Variants in RNF169 observed in about 807,000 individuals in gnomAD.
The protein encoded by RNF169 is ring finger protein 169, also known as E3 ubiquitin-protein ligase RNF169.
In RNF169, 24 loss-of-function variants were observed where a neutral mutation model predicts 53.9. The observed-to-expected ratio is 0.45, with a 90% CI of 0.32 to 0.63. The LOEUF (loss-of-function observed/expected upper bound fraction) is 0.63. Ranked by LOEUF, RNF169 falls within the 20% of genes least tolerant of loss-of-function variation. RNF169 has a pLI of 0.04. For missense variants in RNF169, 883 were observed against 906.2 expected (o/e 0.97, Z 0.33); for synonymous variants, 396 against 363.5 (o/e 1.09, Z -1.02).
chr11:74,781,788 T>G (rs866769107), intron 1 of RNF169, among the ~76,000 whole-genome samples: 6 of 152,188 alleles, frequency 3.9e-5, no homozygotes, highest in Admixed American at 1.3e-4. Flanking sequence ...TGGATCTAGA[T>G]TGCTTGTGTT....
At chr11:74,789,431 G>A (rs1210816770) in intron 1 of RNF169, among the ~76,000 whole-genome samples, 195 bp from the exon 2 acceptor site, 1 of 151,996 alleles carries the variant, frequency 6.6e-6, no homozygotes, top group Non-Finnish European at 1.5e-5. Context: ...ATACATTGAG[G>A]GTATAAAGAA....
At chr11:74,796,159 G>T (rs1437246395) in intron 2 of RNF169, among the ~76,000 whole-genome samples, 1 of 152,014 alleles carries the variant, frequency 6.6e-6, no homozygotes, top group African/African-American at 2.4e-5. Context: ...TATCTTTTGG[G>T]TATTTGTGAT....
intron 2 of RNF169, among the ~76,000 whole-genome samples, chr11:74,797,727 C>A (rs1276274773): frequency 6.6e-6 from 1 of 152,126 alleles, no homozygotes; most frequent in Non-Finnish European, 1.5e-5. Context: ...TGGCTCACAT[C>A]CCAGCACTTT....
chr11:74,792,095 G>A (rs1405061776), intron 2 of RNF169, among the ~76,000 whole-genome samples: 1 of 152,264 alleles, frequency 6.6e-6, no homozygotes, highest in Non-Finnish European at 1.5e-5. Flanking sequence ...GCTTGTAAAT[G>A]AGGGTGTCAG....
rs574799751 is a variant in RNF169, at chr11:74,769,035, GAAACA to G, written c.502+19666_502+19670del. Among the ~76,000 whole-genome samples, 1,511 of 152,086 alleles carry G rather than the reference GAAACA, an allele frequency of 9.9e-3. 12 individuals carry two copies. The highest frequency in any genetic ancestry group is 0.024 in the Middle Eastern group (7 of 294). On this transcript the variant is annotated intron_variant, in intron 1 of 5. Coordinates refer to ENST00000299563, the MANE Select transcript of RNF169 (RefSeq NM_001098638.2). ...ACAGAAGCGAGACCCTGCCTCAAAA[GAAACA>G]AAACAAAACAAACACACCAGAAACA...
At chr11:74,825,265 C>T (rs1160522216) in intron 4 of RNF169, among the ~76,000 whole-genome samples, 1 of 151,866 alleles carries the variant, frequency 6.6e-6, no homozygotes. Flanking sequence ...TTTTTGACCA[C>T]AATGGAATGA....
chr11:74,801,691 A>G (rs1285073524), intron 2 of RNF169, among the ~76,000 whole-genome samples: 2 of 152,254 alleles, frequency 1.3e-5, no homozygotes, highest in Non-Finnish European at 2.9e-5. Context: ...GCACACCTAT[A>G]ATCCCGGCTA....
chr11:74,822,386 G>A (rs2036025804), intron 4 of RNF169, among the ~76,000 whole-genome samples: 1 of 152,136 alleles, frequency 6.6e-6, no homozygotes, highest in African/African-American at 2.4e-5. Flanking sequence ...GTGGGTGCGG[G>A]TATTTTTAGC....
intron 1 of RNF169, among the ~76,000 whole-genome samples, chr11:74,752,763 C>T (rs185565064): frequency 4.6e-5 from 7 of 151,980 alleles, no homozygotes; most frequent in Admixed American, 1.3e-4. Context: ...TCATCAAAGT[C>T]CACAGCAGTA....
At chr11:74,834,526 GTTAATAAA>G in intron 4 of RNF169, 142 bp from the exon 5 acceptor site, 1 of 538,978 alleles carries the variant, frequency 1.9e-6, no homozygotes, top group Non-Finnish European at 3.3e-6. Flanking sequence ...AATGTATTTT[GTTAATAAA>G]TTAACTCATT....
intron 1 of RNF169, among the ~76,000 whole-genome samples, chr11:74,773,138 C>T (rs1286058342): frequency 2.0e-5 from 3 of 152,042 alleles, no homozygotes; most frequent in Non-Finnish European, 2.9e-5. Flanking sequence ...CCTGAAATGC[C>T]GAGACCTGGG....
intron 4 of RNF169, among the ~76,000 whole-genome samples, chr11:74,820,605 T>A (rs1448032245): frequency 6.6e-6 from 1 of 152,004 alleles, no homozygotes; most frequent in East Asian, 1.9e-4. Flanking sequence ...GATGATGGCC[T>A]GGGGTGTGTG....
intron 4 of RNF169, among the ~76,000 whole-genome samples, chr11:74,830,292 G>C (rs1290246250): frequency 1.3e-5 from 2 of 151,450 alleles, no homozygotes; most frequent in Non-Finnish European, 2.9e-5. Flanking sequence ...GACTGGTCAA[G>C]AAAAAAAGAG....
chr11:74,764,823 A>G (rs950247795), intron 1 of RNF169, among the ~76,000 whole-genome samples: 1 of 152,256 alleles, frequency 6.6e-6, no homozygotes, highest in Admixed American at 6.5e-5. Flanking sequence ...AGTGATTCTC[A>G]TTACAGATTT....
intron 1 of RNF169, among the ~76,000 whole-genome samples, chr11:74,782,073 G>T (rs2035424409): frequency 6.6e-6 from 1 of 152,148 alleles, no homozygotes; most frequent in African/African-American, 2.4e-5. Context: ...TTTTGGCTTT[G>T]TTTTATTATC....
chr11:74,749,435 G>A, intron 1 of RNF169, 53 bp downstream of exon 1: 1 of 1,210,530 alleles, frequency 8.3e-7, no homozygotes, highest in African/African-American at 1.6e-5. Flanking sequence ...AGCGCGCCCC[G>A]GCCCGGCCTG....
intron 1 of RNF169, 135 bp from the exon 2 acceptor site, chr11:74,789,491 A>G (rs1778509222): frequency 7.1e-6 from 4 of 564,422 alleles, no homozygotes; most frequent in Admixed American, 5.8e-5. Context: ...TTTTGATAGT[A>G]TTTAAGACTT....
chr11:74,756,916 C>T (rs2034992652), intron 1 of RNF169, among the ~76,000 whole-genome samples: 1 of 152,054 alleles, frequency 6.6e-6, no homozygotes, highest in South Asian at 2.1e-4. Context: ...TTGGAGAGCC[C>T]AAATTCTCTT....
At chr11:74,824,137 T>C (rs2036058798) in intron 4 of RNF169, among the ~76,000 whole-genome samples, 1 of 152,090 alleles carries the variant, frequency 6.6e-6, no homozygotes. Flanking sequence ...AAAGGAACTA[T>C]GGGCAAAGAA....
Sources: allele counts gnomAD v4.1 joint callset (sites outside exome capture counted in the v4.1 genomes callset), GRCh38; gene constraint gnomAD v4.1.1; transcripts MANE v1.5; gene names NCBI Gene and HGNC (gene_info 2026-07-23, HGNC 2026-07-21).